MMS22L: variants seen among roughly 807,000 people sequenced by gnomAD.
MMS22L encodes the protein MMS22 like, DNA repair protein, also known as protein MMS22-like.
A neutral mutation model predicts 159.1 loss-of-function variants in MMS22L; 74 were observed. The ratio of observed to expected loss-of-function variants is 0.47; its 90% CI spans 0.39 to 0.56. The LOEUF is 0.56. Ranked by LOEUF, MMS22L falls within the 20% of genes least tolerant of loss-of-function variation. The pLI, the probability that MMS22L is intolerant of heterozygous loss-of-function variation, is 0.00. For missense variants in MMS22L, 1,351 were observed against 1,422.1 expected, an observed-to-expected ratio of 0.95 and a Z score of 0.80; for synonymous variants, 517 against 506.9, an observed-to-expected ratio of 1.02 and a Z score of -0.27.
intron 14 of MMS22L, among the ~76,000 whole-genome samples, chr6:97,204,937 CTTTTTTTTTTTTT>C (rs1222516541): frequency 3.8e-5 from 2 of 52,360 alleles, no homozygotes; most frequent in Non-Finnish European, 6.5e-5. Flanking sequence ...TGTACAGTGT[CTTTTTTTTTTTTT>C]TTTTTTTTTT....
chr6:97,241,936 T>A (rs1034250692), intron 11 of MMS22L, among the ~76,000 whole-genome samples: 2 of 152,378 alleles, frequency 1.3e-5, no homozygotes, highest in South Asian at 4.1e-4. Flanking sequence ...TTGGAATTCA[T>A]TTCCAATTTT....
At position 97,229,339 on chromosome 6, in the gene MMS22L, A is replaced by G; in HGVS notation, c.1594T>C (p.Phe532Leu). 6.2e-7 allele frequency: 1 copy of G among 1,612,826 alleles called. No individual in the cohort carries two copies. Among genetic ancestry groups the G allele is most frequent in the Non-Finnish European group, 8.5e-7 (1 of 1,179,520 alleles). Residue 532 changes from phenylalanine (F) to leucine (L), a missense_variant, in exon 14 of 25, where the codon TTT becomes CTT. Transcript: ENST00000683635. ...GCTGCTAACAGTAGAAAAAGGCTAA[A>G]AAAGTTCTGTAGACCAACTTCAGTT... ...ELTEVGLQNF[F>L]SLFLLLAAVA...
At chr6:97,156,292 T>TA (rs555195898) in intron 22 of MMS22L, among the ~76,000 whole-genome samples, 180 of 152,340 alleles carry the variant, frequency 1.2e-3, no homozygotes, top group African/African-American at 4.2e-3. Flanking sequence ...ACTCTGCTGA[T>TA]AGTTTCTTTT....
At chr6:97,272,936 A>C (rs767858123) in intron 5 of MMS22L, 39 bp downstream of exon 5, 1 of 1,602,390 alleles carries the variant, frequency 6.2e-7, no homozygotes, top group Non-Finnish European at 8.5e-7. Flanking sequence ...TACACACAGA[A>C]ATTCATGCAG....
intron 14 of MMS22L, among the ~76,000 whole-genome samples, chr6:97,200,058 CT>C (rs1221771195): frequency 6.6e-6 from 1 of 152,082 alleles, no homozygotes; most frequent in Non-Finnish European, 1.5e-5. Flanking sequence ...CTCTGTGCCT[CT>C]GTTGTAGTCA....
intron 14 of MMS22L, among the ~76,000 whole-genome samples, chr6:97,226,428 C>A (rs2127990877): frequency 6.6e-6 from 1 of 152,118 alleles, no homozygotes; most frequent in Admixed American, 6.5e-5. Context: ...AATCCTGCTT[C>A]TATTAAAACA....
intron 11 of MMS22L, among the ~76,000 whole-genome samples, chr6:97,238,991 T>C (rs1277837454): frequency 1.1e-4 from 17 of 147,902 alleles, no homozygotes; most frequent in Non-Finnish European, 4.5e-5. Context: ...CAAAGACTCA[T>C]TTATTTATGC....
chr6:97,198,979 C>A (rs1396028564), intron 14 of MMS22L, among the ~76,000 whole-genome samples: 1 of 152,004 alleles, frequency 6.6e-6, no homozygotes, highest in Non-Finnish European at 1.5e-5. Flanking sequence ...TGTTTATGAA[C>A]CTATGGAGAC....
intron 14 of MMS22L, among the ~76,000 whole-genome samples, chr6:97,219,958 C>T (rs1252014499): frequency 1.3e-5 from 2 of 152,156 alleles, no homozygotes; most frequent in African/African-American, 4.8e-5. Context: ...TGCCATCTCA[C>T]CCCTATGTCT....
intron 14 of MMS22L, among the ~76,000 whole-genome samples, chr6:97,225,209 A>G (rs1354373773): frequency 1.3e-5 from 2 of 152,206 alleles, no homozygotes; most frequent in African/African-American, 4.8e-5. Flanking sequence ...GAGATTCAAG[A>G]TAAGATGAAG....
intron 2 of MMS22L, among the ~76,000 whole-genome samples, chr6:97,282,034 T>C (rs1816797095): frequency 6.6e-6 from 1 of 152,166 alleles, no homozygotes; most frequent in Non-Finnish European, 1.5e-5. Context: ...CTCAGATAGT[T>C]AGGAATTCAT....
At chr6:97,190,526 G>A (rs1051628740) in intron 14 of MMS22L, among the ~76,000 whole-genome samples, 1 of 152,096 alleles carries the variant, frequency 6.6e-6, no homozygotes, top group Non-Finnish European at 1.5e-5. Context: ...AAATAAATTT[G>A]CTGAATGTCA....
At position 97,145,027 on chromosome 6, in the gene MMS22L, CACACACACACA is replaced by C. The variant is rs1800857129; in HGVS notation, c.*1768_*1778del. 1 of 118,884 alleles carries C rather than the reference CACACACACACA, an allele frequency of 8.4e-6. No individual in the cohort carries two copies. The highest frequency in any genetic ancestry group is 1.7e-5 in the Non-Finnish European group (1 of 59,612). 7.4% of individuals were successfully genotyped at this position (118,884 alleles called of 1,614,324 possible). On this transcript the variant is annotated 3_prime_UTR_variant, in exon 25 of 25. Transcript: ENST00000683635. ...ATCTCCTTTGGAAAAAAAAAACCCA[CACACACACACA>C]CACACACACACACACACACACACAC... is the stretch of plus-strand genomic sequence containing the variant.
At chr6:97,149,085 A>G (rs2128230267) in intron 24 of MMS22L, among the ~76,000 whole-genome samples, 1 of 152,334 alleles carries the variant, frequency 6.6e-6, no homozygotes, top group East Asian at 1.9e-4. Flanking sequence ...CACATTGCCT[A>G]GGTGTGTGGT....
intron 11 of MMS22L, among the ~76,000 whole-genome samples, chr6:97,239,068 T>C (rs1811777910): frequency 6.6e-6 from 1 of 151,478 alleles, no homozygotes; most frequent in Non-Finnish European, 1.5e-5. Context: ...ACAGTAACTG[T>C]TACCAGAAGT....
At chr6:97,247,429 G>A (rs545722517) in intron 10 of MMS22L, among the ~76,000 whole-genome samples, 29 of 152,038 alleles carry the variant, frequency 1.9e-4, no homozygotes, top group Non-Finnish European at 1.2e-4. Flanking sequence ...GGAAAAAAAC[G>A]GTATAAAAAG....
chr6:97,280,656 T>C (rs1816681889), intron 3 of MMS22L, among the ~76,000 whole-genome samples: 1 of 152,168 alleles, frequency 6.6e-6, no homozygotes, highest in South Asian at 2.1e-4. Context: ...AAGAAATTCA[T>C]ACTGAAGTAT....
intron 9 of MMS22L, among the ~76,000 whole-genome samples, chr6:97,258,386 G>A (rs895826943): frequency 2.6e-5 from 4 of 151,950 alleles, no homozygotes; most frequent in Non-Finnish European, 5.9e-5. Flanking sequence ...TCAAAGACTC[G>A]TTTCCTTTCA....
At chr6:97,152,798 A>C (rs531631392) in intron 22 of MMS22L, among the ~76,000 whole-genome samples, 4 of 146,636 alleles carry the variant, frequency 2.7e-5, no homozygotes, top group African/African-American at 1.0e-4. Flanking sequence ...TTTTTTCTTT[A>C]ACTGAACTAC....
Sources: gnomAD v4.1 joint callset for allele counts (sites outside exome capture counted in the v4.1 genomes callset) on GRCh38, gnomAD v4.1.1 for gene constraint, MANE v1.5 for transcripts, NCBI Gene and HGNC (gene_info 2026-07-23, HGNC 2026-07-21) for gene names.